UMAD1: variants seen among roughly 807,000 people sequenced by gnomAD.
UMAD1 encodes the protein UBAP1-MVB12-associated (UMA) domain containing 1.
A neutral mutation model predicts 6.1 loss-of-function variants in UMAD1; 8 were observed. The ratio of observed to expected loss-of-function variants is 1.30; its 90% CI spans 0.76 to 2.35. The LOEUF (loss-of-function observed/expected upper bound fraction) is 2.35, where lower values mean the gene tolerates loss of function less well. Ranked by LOEUF, UMAD1 falls within the 30% of genes most tolerant of loss-of-function variation. The pLI is 0.00. For missense variants in UMAD1, 130 were observed against 78.4 expected, an observed-to-expected ratio of 1.66 and a Z score of -2.49; for synonymous variants, 56 against 31.4, an observed-to-expected ratio of 1.78 and a Z score of -2.61.
chr7:7,804,806 C>G (rs977577752), intron 3 of UMAD1, among the ~76,000 whole-genome samples: 3 of 152,026 alleles, frequency 2.0e-5, no homozygotes, highest in South Asian at 4.1e-4. Flanking sequence ...ATGGTGAAAC[C>G]CTGTCTCTAC....
At chr7:7,687,835 A>G (rs1250862375) in intron 2 of UMAD1, among the ~76,000 whole-genome samples, 2 of 152,206 alleles carry the variant, frequency 1.3e-5, no homozygotes, top group East Asian at 3.8e-4. Flanking sequence ...TTGCTCTGAA[A>G]ATTTTAAGTA....
chr7:7,667,028 C>CT (rs1202858809), intron 1 of UMAD1, among the ~76,000 whole-genome samples: 1 of 152,134 alleles, frequency 6.6e-6, no homozygotes. Flanking sequence ...GGCCAGGTCT[C>CT]TAACTCCTAA....
intron 2 of UMAD1, among the ~76,000 whole-genome samples, chr7:7,714,944 A>G (rs1337502340): frequency 6.6e-6 from 1 of 151,110 alleles, no homozygotes; most frequent in Non-Finnish European, 1.5e-5. Context: ...ACTAGAATTA[A>G]ACAACAACAA....
At chr7:7,766,278 G>T (rs1372085321) in intron 2 of UMAD1, among the ~76,000 whole-genome samples, 1 of 152,168 alleles carries the variant, frequency 6.6e-6, no homozygotes, top group Non-Finnish European at 1.5e-5. Context: ...CATGCCCAAT[G>T]ACATGCTATT....
At chr7:7,832,623 T>G (rs1783488350) in intron 3 of UMAD1, among the ~76,000 whole-genome samples, 1 of 152,332 alleles carries the variant, frequency 6.6e-6, no homozygotes, top group Admixed American at 6.5e-5. Context: ...CGGCCTCTTT[T>G]AAGACAGCTA....
chr7:7,758,975 C>A (rs539931596), intron 2 of UMAD1, among the ~76,000 whole-genome samples: 8 of 152,220 alleles, frequency 5.3e-5, no homozygotes, highest in Non-Finnish European at 1.0e-4. Context: ...TCTTTGGGGA[C>A]TAGTCAAATT....
At chr7:7,790,145 A>C (rs1563208201) in intron 2 of UMAD1, among the ~76,000 whole-genome samples, 1 of 152,192 alleles carries the variant, frequency 6.6e-6, no homozygotes, top group Non-Finnish European at 1.5e-5. Flanking sequence ...TCCATGTACC[A>C]CTTGCATTAG....
At chr7:7,755,021 A>G (rs76281508) in intron 2 of UMAD1, among the ~76,000 whole-genome samples, 5,002 of 152,244 alleles carry the variant, frequency 0.033, 137 homozygotes, top group Non-Finnish European at 0.054. Flanking sequence ...ATTTAAGTGT[A>G]AGTGAGATCA....
intron 2 of UMAD1, among the ~76,000 whole-genome samples, chr7:7,691,407 A>G (rs1295857923): frequency 6.6e-6 from 1 of 152,252 alleles, no homozygotes; most frequent in Non-Finnish European, 1.5e-5. Context: ...TAGAATTACT[A>G]AATACATAAT....
chr7:7,728,994 A>G (rs1200707054), intron 2 of UMAD1, among the ~76,000 whole-genome samples: 1 of 152,250 alleles, frequency 6.6e-6, no homozygotes, highest in Non-Finnish European at 1.5e-5. Flanking sequence ...TAAAACTACA[A>G]TGTTCATAAG....
chr7:7,752,591 A>G (rs1018739258), intron 2 of UMAD1, among the ~76,000 whole-genome samples: 10 of 152,140 alleles, frequency 6.6e-5, no homozygotes, highest in Non-Finnish European at 1.5e-4. Context: ...ACTGAAAAGA[A>G]TCTTTCCTTA....
At chr7:7,722,633 G>A (rs557959588) in intron 2 of UMAD1, among the ~76,000 whole-genome samples, 1 of 152,190 alleles carries the variant, frequency 6.6e-6, no homozygotes, top group Non-Finnish European at 1.5e-5. Context: ...GGCTACAGAA[G>A]CATATACTGA....
intron 2 of UMAD1, among the ~76,000 whole-genome samples, chr7:7,680,346 T>G (rs976742977): frequency 6.6e-6 from 1 of 152,172 alleles, no homozygotes; most frequent in Non-Finnish European, 1.5e-5. Flanking sequence ...ATGAGTTCAT[T>G]GTAAATGTGT....
At chr7:7,704,928 C>T (rs1324721630) in intron 2 of UMAD1, among the ~76,000 whole-genome samples, 2 of 151,962 alleles carry the variant, frequency 1.3e-5, no homozygotes, top group Non-Finnish European at 2.9e-5. Context: ...AGATTCTAAA[C>T]AGTATTCATC....
At chr7:7,805,704 C>T (rs546849026) in intron 3 of UMAD1, among the ~76,000 whole-genome samples, 10 of 152,154 alleles carry the variant, frequency 6.6e-5, no homozygotes, top group Non-Finnish European at 1.5e-4. Context: ...GCCGTTCTGT[C>T]TCTTGATGAT....
chr7:7,871,838 A>G (rs954253045), intron 3 of UMAD1, among the ~76,000 whole-genome samples: 8 of 107,630 alleles, frequency 7.4e-5, no homozygotes, highest in Admixed American at 5.8e-4. Context: ...CAAATAACAG[A>G]GAATTGTCAA....
intron 2 of UMAD1, among the ~76,000 whole-genome samples, chr7:7,738,178 G>T (rs1781397537): frequency 6.6e-6 from 1 of 152,158 alleles, no homozygotes; most frequent in Non-Finnish European, 1.5e-5. Context: ...AAGAAGTTTA[G>T]TGTGACCAAC....
intron 2 of UMAD1, among the ~76,000 whole-genome samples, chr7:7,726,007 T>TCCA (rs1781131628): frequency 6.6e-6 from 1 of 152,234 alleles, no homozygotes; most frequent in African/African-American, 2.4e-5. Flanking sequence ...TGCACCTGGT[T>TCCA]GTGCACTTTG....
At chr7:7,807,437 T>C (rs1157325854) in intron 3 of UMAD1, among the ~76,000 whole-genome samples, 1 of 152,086 alleles carries the variant, frequency 6.6e-6, no homozygotes, top group Non-Finnish European at 1.5e-5. Context: ...AAAAATGAAA[T>C]GAATGTAGCG....
Sources: allele counts gnomAD v4.1 joint callset (sites outside exome capture counted in the v4.1 genomes callset), GRCh38; gene constraint gnomAD v4.1.1; transcripts MANE v1.5; gene names NCBI Gene and HGNC (gene_info 2026-07-23, HGNC 2026-07-21).